Variants in DOCK2 observed in about 807,000 individuals in gnomAD.
DOCK2 encodes dedicator of cytokinesis 2.
A neutral mutation model predicts 248.9 loss-of-function variants in DOCK2; 87 were observed. That is an observed-to-expected ratio of 0.35 (90% CI 0.29 to 0.42). The LOEUF is 0.42. DOCK2 is among the 10% of genes least tolerant of loss of function. The probability of loss-of-function intolerance (pLI) is 1.00; values close to 1 mark genes in which losing one functional copy is unlikely to be tolerated. For missense variants in DOCK2, 1,747 were observed against 2,300.2 expected (o/e 0.76, Z 4.92); for synonymous variants, 805 against 821.6 (o/e 0.98, Z 0.35).
intron 27 of DOCK2, among the ~76,000 whole-genome samples, chr5:169,931,486 A>C (rs1340422461): frequency 6.6e-6 from 1 of 152,222 alleles, no homozygotes. Context: ...GGCATATAAA[A>C]TTAGATGTGG....
At chr5:169,669,212 AC>A in intron 2 of DOCK2, 75 bp from the exon 3 acceptor site, 1 of 1,597,184 alleles carries the variant, frequency 6.3e-7, no homozygotes, top group Non-Finnish European at 8.6e-7. Flanking sequence ...TTAAAACAAA[AC>A]AAAACAAAAC....
At chr5:169,936,479 G>A (rs990637613) in intron 27 of DOCK2, among the ~76,000 whole-genome samples, 1 of 151,880 alleles carries the variant, frequency 6.6e-6, no homozygotes, top group Non-Finnish European at 1.5e-5. Flanking sequence ...GAGGGAAACA[G>A]CTGATTATAA....
At chr5:169,746,018 G>T (rs1165352152) in intron 22 of DOCK2, among the ~76,000 whole-genome samples, 1 of 152,178 alleles carries the variant, frequency 6.6e-6, no homozygotes, top group Non-Finnish European at 1.5e-5. Flanking sequence ...GACCCAGAAG[G>T]TCAGCAGCAA....
At chr5:170,050,212 A>C (rs1756867614) in intron 40 of DOCK2, 44 bp from the exon 41 acceptor site, 2 of 1,603,120 alleles carry the variant, frequency 1.2e-6, no homozygotes, top group Non-Finnish European at 1.7e-6. Flanking sequence ...CCCTTTCTTC[A>C]CACCTGGGTC....
intron 25 of DOCK2, among the ~76,000 whole-genome samples, chr5:169,766,094 C>A (rs1764770808): frequency 6.6e-6 from 1 of 152,092 alleles, no homozygotes; most frequent in African/African-American, 2.4e-5. Flanking sequence ...ATTTCAGGTT[C>A]ATGAGGAACA....
chr5:169,718,875 G>C lies in DOCK2; in HGVS notation c.2267+84G>C, dbSNP rs987449827. On this transcript the variant is annotated intron_variant, in intron 22 of 51. Transcript: ENST00000520908. ...AGTATTTTTACTGTAGGAGAAACTC[G>C]TTTAAAAAATTATAACCAGCTGTCG... The C allele has an allele frequency of 9.9e-5, 147 of 1,479,588 alleles. No homozygotes were observed. The Admixed American group carries it at 3.1e-3, about 31-fold the overall frequency. 91.7% of individuals were successfully genotyped at this position (1,479,588 alleles called of 1,614,324 possible).
chr5:170,010,025 G>T (rs1191085804), intron 32 of DOCK2, among the ~76,000 whole-genome samples: 1 of 152,142 alleles, frequency 6.6e-6, no homozygotes, highest in Non-Finnish European at 1.5e-5. Context: ...GGGGAAATAA[G>T]CACCCTCACA....
At chr5:169,906,235 T>C (rs1321636335) in intron 27 of DOCK2, among the ~76,000 whole-genome samples, 1 of 152,144 alleles carries the variant, frequency 6.6e-6, no homozygotes, top group Non-Finnish European at 1.5e-5. Context: ...ACGCAAGCTT[T>C]ACTGTCAGCT....
intron 27 of DOCK2, among the ~76,000 whole-genome samples, chr5:169,952,282 A>T (rs1776693771): frequency 6.6e-6 from 1 of 152,184 alleles, no homozygotes; most frequent in East Asian, 1.9e-4. Flanking sequence ...ATAACAATTT[A>T]TTGAGAACTT....
chr5:169,857,690 G>A (rs902148891), intron 27 of DOCK2, among the ~76,000 whole-genome samples: 3 of 149,932 alleles, frequency 2.0e-5, no homozygotes, highest in Non-Finnish European at 4.4e-5. Context: ...AGGGACTTAA[G>A]TCTCTCTTTG....
rs747415991 is a variant in DOCK2, at chr5:170,045,960, C to T, written c.3966+55C>T. 107 of 1,534,158 alleles carry T rather than the reference C, an allele frequency of 7.0e-5. 1 individual carries two copies. The highest frequency in any genetic ancestry group is 6.8e-4 in the Middle Eastern group (4 of 5,876). The stretch of plus-strand genomic sequence containing the variant: ...CCTGCAGGCTGGGTGCTCAGGGCCT[C>T]AGCTCACCCCAGATCCTGGGGAGAT... On this transcript the variant is annotated intron_variant, in intron 39 of 51. Coordinates refer to ENST00000520908, the MANE Select transcript of DOCK2 (RefSeq NM_004946.3).
At chr5:169,927,498 G>A (rs904086508) in intron 27 of DOCK2, among the ~76,000 whole-genome samples, 1 of 152,188 alleles carries the variant, frequency 6.6e-6, no homozygotes, top group Non-Finnish European at 1.5e-5. Flanking sequence ...ACAGAAGGAT[G>A]TTTCATATAA....
At chr5:170,048,028 T>C (rs1395528443) in intron 40 of DOCK2, among the ~76,000 whole-genome samples, 1 of 151,390 alleles carries the variant, frequency 6.6e-6, no homozygotes, top group Non-Finnish European at 1.5e-5. Context: ...AAAGATAATC[T>C]CTATCTACAT....
At chr5:170,027,011 G>A (rs1755940650) in intron 33 of DOCK2, among the ~76,000 whole-genome samples, 4 of 152,044 alleles carry the variant, frequency 2.6e-5, no homozygotes, top group African/African-American at 9.7e-5. Context: ...CTGAATGCAG[G>A]GGCTCACAAA....
chr5:170,012,286 T>C (rs148716671), intron 32 of DOCK2, among the ~76,000 whole-genome samples: 29 of 147,580 alleles, frequency 2.0e-4, no homozygotes, highest in Non-Finnish European at 3.4e-4. Context: ...ACGATCTACG[T>C]TTTTTCAAAG....
At chr5:169,968,676 C>G (rs1000113997) in intron 27 of DOCK2, among the ~76,000 whole-genome samples, 3 of 152,174 alleles carry the variant, frequency 2.0e-5, no homozygotes, top group Non-Finnish European at 4.4e-5. Flanking sequence ...TCACATTTTT[C>G]AATTTTATCA....
chr5:169,903,634 A>C (rs1329937787), intron 27 of DOCK2, among the ~76,000 whole-genome samples: 2 of 152,120 alleles, frequency 1.3e-5, no homozygotes, highest in Non-Finnish European at 2.9e-5. Flanking sequence ...AGATAAGAGG[A>C]AGCAGGGCTC....
intron 44 of DOCK2, among the ~76,000 whole-genome samples, chr5:170,062,602 G>T (rs1239467057): frequency 6.6e-6 from 1 of 152,126 alleles, no homozygotes. Context: ...CCCCAGGAGG[G>T]CTTGGACCTC....
At chr5:170,040,584 CA>C (rs1756482184) in intron 36 of DOCK2, 1 of 177,596 alleles carries the variant, frequency 5.6e-6, no homozygotes, top group Non-Finnish European at 1.3e-5. Flanking sequence ...CATACTCCTT[CA>C]ATGACACAGT....
Sources: gnomAD v4.1 joint callset for allele counts (sites outside exome capture counted in the v4.1 genomes callset) on GRCh38, gnomAD v4.1.1 for gene constraint, MANE v1.5 for transcripts, NCBI Gene and HGNC (gene_info 2026-07-23, HGNC 2026-07-21) for gene names.